NES: variants seen among roughly 807,000 people sequenced by gnomAD.
NES encodes the protein nestin.
A neutral mutation model predicts 35.6 loss-of-function variants in NES; 27 were observed. That is an observed-to-expected ratio of 0.76 (90% CI 0.56 to 1.04). The LOEUF (loss-of-function observed/expected upper bound fraction) is 1.04, where lower values mean the gene tolerates loss of function less well. NES is among the 50% of genes least tolerant of loss of function. NES has a pLI of 0.00. For synonymous variants in NES, 822 were observed against 824.2 expected (o/e 1.00, Z 0.04); for missense variants, 1,867 against 1,983.6 (o/e 0.94, Z 1.12).
In NES at chr1:156,671,174, T is replaced by C; in HGVS notation, c.3014A>G (p.Glu1005Gly). ...VEQGELNATE[E>G]VWIPGEGHPE... is the part of the protein sequence containing the mutation. ...GTGCCCCTCGCCTGGGATCCAGACC[T>C]CCTCTGTGGCATTCAGCTCTCCCTG... The change falls in exon 4 of 4, where the codon GAG becomes GGG. Residue 1005 changes from glutamate (E) to glycine (G), a missense_variant. Physicochemically the swap from Glu to Gly is moderately conservative, Grantham distance 98. Transcript: ENST00000368223. 5 of 1,613,944 alleles carry C rather than the reference T, an allele frequency of 3.1e-6. No individual in the cohort carries two copies. Among genetic ancestry groups the C allele is most frequent in the Non-Finnish European group, 4.2e-6 (5 of 1,180,000 alleles).
chr1:156,672,987 C>CAG lies in NES; in HGVS notation c.1199_1200dup (p.Val401LeufsTer2), dbSNP rs770690408. ...TCCTGGGCTCTGATCTCTGCATCTA[C>CAG]AGCAGGAGAGGGTGCCTGAGGTGTG... On this transcript the variant is annotated frameshift_variant, in exon 4 of 4. Transcript: ENST00000368223. LOFTEE classifies it low-confidence loss of function (END_TRUNC). The CAG allele has an allele frequency of 1.2e-6, 2 of 1,613,838 alleles. No homozygotes were observed. Among genetic ancestry groups the CAG allele is most frequent in the Non-Finnish European group, 1.7e-6 (2 of 1,179,854 alleles).
In NES at chr1:156,677,133, C is replaced by G; in HGVS notation, c.132G>C (p.Arg44=). 6.2e-7 allele frequency: 1 copy of G among 1,608,868 alleles called. No individual in the cohort carries two copies. Among genetic ancestry groups the G allele is most frequent in the Non-Finnish European group, 8.5e-7 (1 of 1,178,390 alleles). ...ELLSAELGGL[R]AQSADTSWRA... is the part of the protein sequence containing the mutation. ...GCCAGGAGGTGTCCGCGGATTGTGCCCGGAGCCCCCCGAGCTCCGCGCTGA... is the reference window on the plus strand; with the variant it reads ...GCCAGGAGGTGTCCGCGGATTGTGCGCGGAGCCCCCCGAGCTCCGCGCTGA... The change falls in exon 1 of 4, where the codon CGG becomes CGC. Residue 44 remains arginine (R), a synonymous_variant. Transcript: ENST00000368223. The surrounding 1 kb of genome is among the most constrained non-coding windows in gnomAD (Gnocchi z 4.5).
rs951781 is a variant in NES, at chr1:156,671,745, C to T, written c.2443G>A (p.Val815Ile). ...GTTTCTAAAGATTTTACTGCCTCTACGCTCTCTTCTTTGAGTGACTTTAAG... is the reference window on the plus strand; with the variant it reads ...GTTTCTAAAGATTTTACTGCCTCTATGCTCTCTTCTTTGAGTGACTTTAAG... ...EFLKSLKEESVEAVKSLETEI... is the reference protein window; with the variant it reads ...EFLKSLKEESIEAVKSLETEI... The change falls in exon 4 of 4, where the codon GTA becomes ATA. Residue 815 changes from valine to isoleucine, a missense_variant. Val to Ile is a conservative substitution (Grantham distance 29). Transcript: ENST00000368223. The T allele has an allele frequency of 0.33, 536,159 of 1,613,494 alleles. 93,451 individuals are homozygous for T. Among genetic ancestry groups the T allele is most frequent in the South Asian group, 0.37 (33,699 of 91,064 alleles).
Position 156,675,101 on chromosome 1 carries a change from C to T in NES, c.908+115G>A, listed in dbSNP as rs183219177. 5.2e-4 allele frequency: 693 copies of T among 1,344,676 alleles called. 9 individuals carry two copies. In the African/African-American group the frequency reaches 9.6e-3, roughly 19 times the overall value. The allele number at this position is 1,344,676 out of a possible 1,614,324, so 83.3% of individuals were successfully genotyped here. On this transcript the variant is annotated intron_variant, in intron 2 of 3. Transcript: ENST00000368223. ...AAGTGACCAGCCTAGAGTCACAGAA[C>T]CCAGTGGCAGCAGAGTTGCCATCAC...
intron 3 of NES, 44 bp downstream of exon 3, chr1:156,673,410 G>A: frequency 6.4e-7 from 1 of 1,564,008 alleles, no homozygotes; most frequent in Non-Finnish European, 8.8e-7. Flanking sequence ...GGTATGAAGA[G>A]CAAAGCAGGG....
At chr1:156,673,246 C>A (rs922435694) in intron 3 of NES, 41 bp from the exon 4 acceptor site, 1 of 1,438,984 alleles carries the variant, frequency 6.9e-7, no homozygotes, top group South Asian at 1.4e-5. Flanking sequence ...CAGTATATCA[C>A]TGGCAATGAG....
In NES at chr1:156,672,750, T is replaced by C. The variant is rs755690566; in HGVS notation, c.1438A>G (p.Lys480Glu). The C allele has an allele frequency of 6.2e-7, 1 of 1,613,558 alleles. No homozygotes were observed. Among genetic ancestry groups the C allele is most frequent in the Non-Finnish European group, 8.5e-7 (1 of 1,180,028 alleles). Residue 480 changes from lysine (K) to glutamate (E), a missense_variant, in exon 4 of 4, where the codon AAG (lysine) becomes GAG (glutamate). Physicochemically the swap from Lys to Glu is moderately conservative, Grantham distance 56. Transcript: ENST00000368223. ...LSPDHSSLEA[K>E]DGESGGSRVF... is the part of the protein sequence containing the mutation. ...CTAGACCCACCGGATTCTCCATCCT[T>C]AGCCTCTAAACTGGAGTGGTCAGGG...
Position 156,671,760 on chromosome 1 carries a change from G to T in NES, c.2428C>A (p.Leu810Ile), listed in dbSNP as rs1679738357. 1 of 1,614,056 alleles carries T rather than the reference G, an allele frequency of 6.2e-7. No individual in the cohort carries two copies. Among genetic ancestry groups the T allele is most frequent in the East Asian group, 2.2e-5 (1 of 44,890 alleles). ...ACTGCCTCTACGCTCTCTTCTTTGA[G>T]TGACTTTAAGAACTCTTGATTCTCA... The part of the protein sequence containing the change: ...ENENQEFLKS[L>I]KEESVEAVKS... Residue 810 changes from leucine to isoleucine, a missense_variant, in exon 4 of 4, where the codon CTC (leucine) becomes ATC (isoleucine). Transcript: ENST00000368223.
chr1:156,671,222 G>A lies in NES; in HGVS notation c.2966C>T (p.Thr989Ile). 6.2e-7 allele frequency: 1 copy of A among 1,614,076 alleles called. No individual in the cohort carries two copies. The highest frequency in any genetic ancestry group is 1.7e-5 in the Admixed American group (1 of 60,020). ...ELNLREQDGF[T>I]GKEEVVEQGE... ...CTGCTCTACCACCTCCTCCTTCCCA[G>A]TGAAGCCATCCTGCTCCCTCAGATT... The change falls in exon 4 of 4, where the codon ACT becomes ATT. Residue 989 changes from threonine (T) to isoleucine (I), a missense_variant. Thr to Ile is a moderately conservative substitution (Grantham distance 89, BLOSUM62 -1). Transcript: ENST00000368223.
chr1:156,670,093 C>A lies in NES; in HGVS notation c.4095G>T (p.Leu1365=). 1.2e-6 allele frequency: 2 copies of A among 1,614,044 alleles called. No individual in the cohort carries two copies. The highest frequency in any genetic ancestry group is 1.7e-6 in the Non-Finnish European group (2 of 1,179,968). Residue 1365 remains leucine (L), a synonymous_variant, in exon 4 of 4, where the codon CTG becomes CTT. Coordinates refer to ENST00000368223, the MANE Select transcript of NES (RefSeq NM_006617.2). ...TCCCCAGGTCCTCAAATTCTTCTGA[C>A]AGGTCAGAGTCACGGCCACACTCCT... ...GEEECGRDSD[L]SEEFEDLGTE...
rs1279239234 is a variant in NES, at chr1:156,672,025, T to C, written c.2163A>G (p.Pro721=). 1 of 1,613,908 alleles carries C rather than the reference T, an allele frequency of 6.2e-7. No homozygotes were observed. The part of the protein sequence containing the change: ...FRSLEKENQE[P]LKTLEEEDQS... The stretch of plus-strand genomic sequence containing the variant: ...GGTCCTCTTCTTCTAGAGTCTTCAG[T>C]GGCTCCTGGTTCTCTTTTTCTAGAG... Residue 721 remains proline (P), a synonymous_variant, in exon 4 of 4, where the codon CCA becomes CCG. Coordinates refer to ENST00000368223, the MANE Select transcript of NES (RefSeq NM_006617.2).
rs1297201327 is a variant in NES, at chr1:156,672,973, G to C, written c.1215C>G (p.Ile405Met). ...QAPSPAVDAE[I>M]RAQDAPLSLL... ...GAGAGAGAGGAGCATCCTGGGCTCT[G>C]ATCTCTGCATCTACAGCAGGAGAGG... Residue 405 changes from isoleucine (I) to methionine (M), a missense_variant, in exon 4 of 4, where the codon ATC becomes ATG. Ile to Met is a conservative substitution (Grantham distance 10). Coordinates refer to ENST00000368223, the MANE Select transcript of NES (RefSeq NM_006617.2). The C allele has an allele frequency of 1.9e-6, 3 of 1,614,072 alleles. No individual in the cohort carries two copies. In the South Asian group the frequency reaches 3.3e-5, roughly 18 times the overall value.
In NES at chr1:156,671,515, T is replaced by A; in HGVS notation, c.2673A>T (p.Ser891=). Residue 891 remains serine (S), a synonymous_variant, in exon 4 of 4, where the codon TCA becomes TCT. Coordinates refer to ENST00000368223, the MANE Select transcript of NES (RefSeq NM_006617.2). ...GGTTCCATGCTCCCAGAGATCTCAA[T>A]GATTCCTGATTCTCCTCTTCCAGGA... The part of the protein sequence containing the change: ...FRLLEEENQE[S]LRSLGAWNLE... 6.2e-7 allele frequency: 1 copy of A among 1,613,992 alleles called. No homozygotes were observed.
rs751964643 is a variant in NES at position 156,672,455 on chromosome 1, G to C, written c.1733C>G (p.Ser578Cys). The C allele has an allele frequency of 6.2e-7, 1 of 1,611,074 alleles. No homozygotes were observed. Among genetic ancestry groups the C allele is most frequent in the African/African-American group, 1.3e-5 (1 of 74,466 alleles). ...LERENQECPR[S>C]LEEDLETLKS... ...TAGTGTTTCTAAGTCTTCTTCTAAA[G>C]ACCTCGGACATTCTTGATTCTCCCT... is the stretch of plus-strand genomic sequence containing the variant. The change falls in exon 4 of 4, where the codon TCT (serine) becomes TGT (cysteine). Residue 578 changes from serine (S) to cysteine (C), a missense_variant. Ser to Cys is a moderately radical substitution (Grantham distance 112). Coordinates refer to ENST00000368223, the MANE Select transcript of NES (RefSeq NM_006617.2).
rs1679717156 is a variant in NES at position 156,671,065 on chromosome 1, A to C, written c.3123T>G (p.Pro1041=). Residue 1041 remains proline, a synonymous_variant, in exon 4 of 4, where the codon CCT becomes CCG. Transcript: ENST00000368223. ...CCCCCACCTGTTGTGATTGCCCTTCAGGGTCCTGGAGGCCCTCAGCCCCTC... is the reference window on the plus strand; with the variant it reads ...CCCCCACCTGTTGTGATTGCCCTTCCGGGTCCTGGAGGCCCTCAGCCCCTC... ...VKGGAEGLQD[P]EGQSQQVGAP... 2 of 1,613,580 alleles carry C rather than the reference A, an allele frequency of 1.2e-6. No individual in the cohort carries two copies. Among genetic ancestry groups the C allele is most frequent in the Non-Finnish European group, 1.7e-6 (2 of 1,179,970 alleles).
At position 156,669,023 on chromosome 1, in the gene NES, C is replaced by T. The variant is rs570860349; in HGVS notation, c.*299G>A. ...TGGGCCACAGGCCTTTTCCAGCTGA[C>T]GGGATGCGGAGGGAAGGGGACCTAG... On this transcript the variant is annotated 3_prime_UTR_variant, in exon 4 of 4. Transcript: ENST00000368223. 4.1e-5 allele frequency: 11 copies of T among 270,916 alleles called. No homozygotes were observed. The South Asian group carries it at 5.8e-4, about 14-fold the overall frequency. 16.8% of individuals were successfully genotyped at this position (270,916 alleles called of 1,614,324 possible). A position where few individuals can be genotyped will look rare whatever the true frequency, so the allele number is the denominator to read the frequency against.
chr1:156,671,714 A>G lies in NES; in HGVS notation c.2474T>C (p.Ile825Thr). ...TCCCGCAGACTTCAGTGATTCTAGG[A>G]TCTCTGTTTCTAAAGATTTTACTGC... ...VEAVKSLETE[I>T]LESLKSAGQE... Residue 825 changes from isoleucine to threonine, a missense_variant, in exon 4 of 4, where the codon ATC becomes ACC. By Grantham distance (89) the Ile-to-Thr change is moderately conservative. Transcript: ENST00000368223. 6.2e-7 allele frequency: 1 copy of G among 1,613,710 alleles called. No homozygotes were observed. The highest frequency in any genetic ancestry group is 8.5e-7 in the Non-Finnish European group (1 of 1,179,938).
At position 156,676,801 on chromosome 1, in the gene NES, G is replaced by A; in HGVS notation, c.464C>T (p.Ala155Val). The A allele has an allele frequency of 7.1e-7, 1 of 1,412,396 alleles. No homozygotes were observed. Among genetic ancestry groups the A allele is most frequent in the South Asian group, 1.6e-5 (1 of 63,566 alleles). The allele number at this position is 1,412,396 out of a possible 1,614,324, so 87.5% of individuals were successfully genotyped here. A position where few individuals can be genotyped will look rare whatever the true frequency, so the allele number is the denominator to read the frequency against. Reference protein sequence around the residue: ...EEERVGLNAQAACAPRCPAPP... With the variant: ...EEERVGLNAQVACAPRCPAPP... ...CGCGGGGCAGCGGGGGGCACAGGCA[G>A]CCTGCGCGTTCAGGCCGACGCGCTC... is the stretch of plus-strand genomic sequence containing the variant. Residue 155 changes from alanine (A) to valine (V), a missense_variant, in exon 1 of 4, where the codon GCT becomes GTT. Transcript: ENST00000368223. This position sits in a 1 kb window ranked among gnomAD's most constrained non-coding sequence, Gnocchi z 5.3.
chr1:156,675,337 C>A lies in NES; in HGVS notation c.787G>T (p.Ala263Ser), dbSNP rs1432492800. The stretch of plus-strand genomic sequence containing the variant: ...TTCTCCTGCTCCAGGGCCTCCACAG[C>A]CAGCTGCAGGGCAGGCGAGAGGCAG... ...RLRATEKFQL[A>S]VEALEQEKQG... The change falls in exon 2 of 4, where the codon GCT (alanine) becomes TCT (serine). Residue 263 changes from alanine (A) to serine (S), a missense_variant. By Grantham distance (99) the Ala-to-Ser change is moderately conservative. Transcript: ENST00000368223. 1.2e-6 allele frequency: 2 copies of A among 1,605,634 alleles called. No homozygotes were observed. Among genetic ancestry groups the A allele is most frequent in the Non-Finnish European group, 1.7e-6 (2 of 1,174,266 alleles).
Sources: gnomAD v4.1 joint callset for allele counts on GRCh38, gnomAD v4.1.1 for gene constraint, Gnocchi (gnomAD v3.1) non-coding constraint, MANE v1.5 for transcripts, NCBI Gene and HGNC (gene_info 2026-07-23, HGNC 2026-07-21) for gene names.